DCAF17: variants seen among roughly 807,000 people sequenced by gnomAD.
DCAF17 encodes the protein DDB1 and CUL4 associated factor 17.
Under a neutral mutation model 66.0 loss-of-function variants are expected in DCAF17, and 48 were observed. The observed-to-expected ratio is 0.73, with a 90% CI of 0.58 to 0.92. The LOEUF is 0.92. DCAF17 is among the 40% of genes least tolerant of loss of function. The probability of loss-of-function intolerance (pLI) is 0.00; values close to 1 mark genes in which losing one functional copy is unlikely to be tolerated. For synonymous variants in DCAF17, 206 were observed against 214.6 expected, an observed-to-expected ratio of 0.96 and a Z score of 0.35; for missense variants, 562 against 622.8, an observed-to-expected ratio of 0.90 and a Z score of 1.04.
chr2:171,472,295 T>G (rs1696287800), intron 9 of DCAF17, among the ~76,000 whole-genome samples: 1 of 152,116 alleles, frequency 6.6e-6, no homozygotes, highest in African/African-American at 2.4e-5. Flanking sequence ...TTCTCCTGCC[T>G]CAGCCTCCTG....
chr2:171,449,554 A>G (rs1694828702), intron 4 of DCAF17, among the ~76,000 whole-genome samples: 1 of 152,204 alleles, frequency 6.6e-6, no homozygotes, highest in African/African-American at 2.4e-5. Flanking sequence ...AATGTGTGAA[A>G]GTAACATTTT....
chr2:171,450,872 G>A (rs1261290752), intron 5 of DCAF17, among the ~76,000 whole-genome samples: 1 of 151,930 alleles, frequency 6.6e-6, no homozygotes, highest in East Asian at 1.9e-4. Context: ...AGGATTCTGA[G>A]CCCCAGAGAA....
intron 8 of DCAF17, among the ~76,000 whole-genome samples, chr2:171,463,141 G>A (rs747162352): frequency 6.6e-6 from 1 of 151,578 alleles, no homozygotes; most frequent in East Asian, 1.9e-4. Flanking sequence ...TGAGGCACGA[G>A]AATCACTTGA....
chr2:171,450,325 C>T (rs955146835), intron 5 of DCAF17, among the ~76,000 whole-genome samples: 1 of 152,012 alleles, frequency 6.6e-6, no homozygotes, highest in Non-Finnish European at 1.5e-5. Flanking sequence ...TGAGAAATCA[C>T]CACTAAAGAA....
rs758811597 is a variant in DCAF17 at position 171,457,970 on chromosome 2, G to T, written c.628-1G>T. The stretch of plus-strand genomic sequence containing the variant: ...GTGATATCTGTCTTTCCCCCCGCCA[G>T]ATTTTTGGGAACGTTACAGATGCTA... On this transcript the variant is annotated splice_acceptor_variant, in intron 6 of 13. Coordinates refer to ENST00000375255, the MANE Select transcript of DCAF17 (RefSeq NM_025000.4). LOFTEE classifies it high-confidence loss of function. 1.9e-6 allele frequency: 3 copies of T among 1,613,590 alleles called. No individual in the cohort carries two copies. The highest frequency in any genetic ancestry group is 2.5e-6 in the Non-Finnish European group (3 of 1,179,532).
intron 6 of DCAF17, among the ~76,000 whole-genome samples, chr2:171,455,382 A>G (rs1185755132): frequency 6.6e-6 from 1 of 152,198 alleles, no homozygotes; most frequent in African/African-American, 2.4e-5. Context: ...TATATGTACA[A>G]CATTTTCGTT....
Position 171,434,568 on chromosome 2 carries a change from C to T in DCAF17, c.-10C>T, listed in dbSNP as rs1215507801. On this transcript the variant is annotated 5_prime_UTR_variant, in exon 1 of 14. Coordinates refer to ENST00000375255, the MANE Select transcript of DCAF17 (RefSeq NM_025000.4). ...CGGCCCAGCCTACCCAGGGCCCGGC[C>T]CGCGCCTCCATGGGCCCGACCCGGA... is the stretch of plus-strand genomic sequence containing the variant. 1 of 1,526,046 alleles carries T rather than the reference C, an allele frequency of 6.6e-7. No homozygotes were observed. The highest frequency in any genetic ancestry group is 8.8e-7 in the Non-Finnish European group (1 of 1,142,296). 94.5% of individuals were successfully genotyped at this position (1,526,046 alleles called of 1,614,324 possible).
intron 8 of DCAF17, among the ~76,000 whole-genome samples, chr2:171,463,184 T>C (rs531787582): frequency 3.3e-5 from 5 of 149,750 alleles, no homozygotes; most frequent in Non-Finnish European, 7.4e-5. Context: ...TGAGTGAGAC[T>C]GCGCCACTGC....
At chr2:171,458,138 T>G (rs1027645959) in intron 7 of DCAF17, 63 bp downstream of exon 7, 3 of 1,457,788 alleles carry the variant, frequency 2.1e-6, no homozygotes, top group Non-Finnish European at 2.9e-6. Context: ...AGTATGATTT[T>G]TTTTTTTAGT....
chr2:171,468,212 A>G (rs1051977394), intron 8 of DCAF17, among the ~76,000 whole-genome samples: 3 of 152,102 alleles, frequency 2.0e-5, no homozygotes, highest in Non-Finnish European at 4.4e-5. Context: ...AGAGAAATTT[A>G]TTTTACAGTG....
chr2:171,466,086 A>G (rs1695881602), intron 8 of DCAF17, among the ~76,000 whole-genome samples: 1 of 151,980 alleles, frequency 6.6e-6, no homozygotes, highest in Non-Finnish European at 1.5e-5. Context: ...CTGGTCTCGA[A>G]CTCCTGGGCT....
chr2:171,484,712 T>C lies in DCAF17; in HGVS notation c.*3598T>C, dbSNP rs1297711686. 1 of 454,056 alleles carries C rather than the reference T, an allele frequency of 2.2e-6. No individual in the cohort carries two copies. Among genetic ancestry groups the C allele is most frequent in the Non-Finnish European group, 4.4e-6 (1 of 226,786 alleles). 28.1% of individuals were successfully genotyped at this position (454,056 alleles called of 1,614,324 possible). A position where few individuals can be genotyped will look rare whatever the true frequency, so the allele number is the denominator to read the frequency against. Reference sequence around the variant, plus strand: ...CAAAATTTAGACCATTGCAATCATCTTCAGAAAGTTTCCTAAATCCCTCTC... The same window carrying C: ...CAAAATTTAGACCATTGCAATCATCCTCAGAAAGTTTCCTAAATCCCTCTC... On this transcript the variant is annotated 3_prime_UTR_variant, in exon 14 of 14. Transcript: ENST00000375255.
intron 2 of DCAF17, among the ~76,000 whole-genome samples, chr2:171,438,645 G>T (rs1270132797): frequency 6.6e-6 from 1 of 152,068 alleles, no homozygotes. Context: ...ATTCGACTTT[G>T]TCTGAAATTA....
chr2:171,438,328 T>C (rs1036603421), intron 2 of DCAF17, among the ~76,000 whole-genome samples: 4 of 151,808 alleles, frequency 2.6e-5, no homozygotes, highest in African/African-American at 7.2e-5. Context: ...GAATGTGTAT[T>C]CTGCTGTCGT....
intron 9 of DCAF17, among the ~76,000 whole-genome samples, chr2:171,470,467 T>G (rs1175463552): frequency 1.3e-5 from 2 of 152,196 alleles, no homozygotes; most frequent in South Asian, 2.1e-4. Context: ...CTTGATGTCA[T>G]GGCCATCAGG....
intron 2 of DCAF17, among the ~76,000 whole-genome samples, chr2:171,437,741 A>G (rs111587613): frequency 1.3e-5 from 2 of 152,368 alleles, no homozygotes; most frequent in African/African-American, 2.4e-5. Flanking sequence ...TTTAACGTCC[A>G]TGAGATCGGT....
chr2:171,452,035 T>G (rs1041016371), intron 5 of DCAF17, among the ~76,000 whole-genome samples: 1 of 152,194 alleles, frequency 6.6e-6, no homozygotes, highest in African/African-American at 2.4e-5. Context: ...TCCTTTGGGT[T>G]TAAGGAACAC....
At chr2:171,437,748 C>G (rs191143152) in intron 2 of DCAF17, among the ~76,000 whole-genome samples, 1 of 152,136 alleles carries the variant, frequency 6.6e-6, no homozygotes, top group Admixed American at 6.5e-5. Context: ...TCCATGAGAT[C>G]GGTAGTGATA....
At chr2:171,443,431 T>C (rs906890077) in intron 2 of DCAF17, 92 bp from the exon 3 acceptor site, 4 of 1,046,534 alleles carry the variant, frequency 3.8e-6, no homozygotes, top group Admixed American at 3.9e-5. Context: ...CCTTGGTATT[T>C]CACATCTCTG....
Sources: allele counts gnomAD v4.1 joint callset (sites outside exome capture counted in the v4.1 genomes callset), GRCh38; gene constraint gnomAD v4.1.1; transcripts MANE v1.5; gene names NCBI Gene and HGNC (gene_info 2026-07-23, HGNC 2026-07-21).